Variants in SDK1 observed in about 807,000 individuals in gnomAD.
SDK1 encodes the protein sidekick cell adhesion molecule 1, also known as protein sidekick-1.
In SDK1, 157 loss-of-function variants were observed where a neutral mutation model predicts 245.5. The observed-to-expected ratio is 0.64, with a 90% CI of 0.56 to 0.73. SDK1 has a LOEUF of 0.73. Ranked by LOEUF, SDK1 falls within the 30% of genes least tolerant of loss-of-function variation. The probability of loss-of-function intolerance (pLI) is 0.00; values close to 1 mark genes in which losing one functional copy is unlikely to be tolerated. For synonymous variants in SDK1, 1,647 were observed against 1,278.5 expected (o/e 1.29, Z -6.15); for missense variants, 3,583 against 3,002.3 (o/e 1.19, Z -4.52).
chr7:3,684,991 T>C (rs1273869155), intron 4 of SDK1, among the ~76,000 whole-genome samples: 1 of 152,126 alleles, frequency 6.6e-6, no homozygotes, highest in Non-Finnish European at 1.5e-5. Flanking sequence ...CAAAGGGACC[T>C]GTGGGACAAG....
intron 5 of SDK1, among the ~76,000 whole-genome samples, chr7:3,859,157 C>T (rs553998828): frequency 1.6e-4 from 24 of 152,230 alleles, no homozygotes; most frequent in East Asian, 3.9e-4. Flanking sequence ...CCACCAAGCC[C>T]GGCCCATATT....
intron 5 of SDK1, among the ~76,000 whole-genome samples, chr7:3,868,571 A>G (rs796322538): frequency 2.3e-4 from 35 of 152,346 alleles, no homozygotes; most frequent in African/African-American, 7.2e-4. Flanking sequence ...AATCTGCTCT[A>G]GTATTATGGT....
chr7:3,897,456 G>A (rs914468430), intron 5 of SDK1, among the ~76,000 whole-genome samples: 2 of 152,156 alleles, frequency 1.3e-5, no homozygotes, highest in Admixed American at 1.3e-4. Context: ...GACACACAGT[G>A]TCTGCCCTTT....
chr7:4,034,082 A>C (rs1046171019), intron 17 of SDK1, among the ~76,000 whole-genome samples: 6 of 152,224 alleles, frequency 3.9e-5, no homozygotes, highest in Non-Finnish European at 7.3e-5. Flanking sequence ...AAAAGAACAC[A>C]GCCTCGCCTC....
In SDK1 at chr7:3,729,721, C is replaced by T. The variant is rs116352444; in HGVS notation, c.713+87616C>T. ...TAGGTCAGCTTCACAATGAGTCTAA[C>T]TTCTAGATCAGTGGTTTCCATTGAG... On this transcript the variant is annotated intron_variant, in intron 4 of 44. Transcript: ENST00000404826. 5.4e-3 allele frequency among the ~76,000 whole-genome samples: 822 copies of T among 152,264 alleles called. 6 individuals carry two copies. Among genetic ancestry groups the T allele is most frequent in the African/African-American group, 0.019 (769 of 41,550 alleles).
chr7:3,974,761 T>A (rs941825054), intron 13 of SDK1: 1 of 525,372 alleles, frequency 1.9e-6, no homozygotes, highest in Non-Finnish European at 3.4e-6. Flanking sequence ...TTGGTGTAGA[T>A]GGTGTGATCA....
At chr7:3,308,292 G>A (rs972736954) in intron 1 of SDK1, among the ~76,000 whole-genome samples, 1 of 152,126 alleles carries the variant, frequency 6.6e-6, no homozygotes, top group Non-Finnish European at 1.5e-5. Flanking sequence ...AGAAAATGGC[G>A]ATGGATGAGA....
intron 1 of SDK1, among the ~76,000 whole-genome samples, chr7:3,419,711 ATC>A (rs1357460567): frequency 6.6e-6 from 1 of 152,134 alleles, no homozygotes; most frequent in African/African-American, 2.4e-5. Context: ...TTGGAACATA[ATC>A]TGTTTTTAGG....
intron 1 of SDK1, among the ~76,000 whole-genome samples, chr7:3,564,594 A>G (rs999535997): frequency 2.6e-5 from 4 of 152,192 alleles, no homozygotes; most frequent in African/African-American, 7.2e-5. Context: ...TATACTTAAT[A>G]AATTTGGGGG....
intron 14 of SDK1, among the ~76,000 whole-genome samples, chr7:3,989,638 C>T (rs1282891998): frequency 1.3e-5 from 2 of 152,142 alleles, no homozygotes; most frequent in Non-Finnish European, 2.9e-5. Context: ...GGTACCCTCC[C>T]CTGAAACCCA....
chr7:4,077,247 G>A, intron 21 of SDK1, 58 bp downstream of exon 21: 1 of 1,528,314 alleles, frequency 6.5e-7, no homozygotes, highest in East Asian at 2.3e-5. Flanking sequence ...GATTCCCGAG[G>A]CTAGAAGTTG....
At chr7:3,528,421 T>C (rs1783225385) in intron 1 of SDK1, among the ~76,000 whole-genome samples, 1 of 151,862 alleles carries the variant, frequency 6.6e-6, no homozygotes, top group Non-Finnish European at 1.5e-5. Flanking sequence ...GCAGAAGTGA[T>C]CCAGGATCCT....
intron 5 of SDK1, among the ~76,000 whole-genome samples, chr7:3,909,271 T>G (rs147035018): frequency 6.6e-6 from 1 of 152,030 alleles, no homozygotes; most frequent in Non-Finnish European, 1.5e-5. Flanking sequence ...TCCAGCAGGC[T>G]CTCTCGGGTG....
chr7:3,566,686 G>A (rs1307260991), intron 1 of SDK1, among the ~76,000 whole-genome samples: 2 of 141,778 alleles, frequency 1.4e-5, no homozygotes, highest in African/African-American at 5.3e-5. Flanking sequence ...AGATTAACAG[G>A]AAATCTTTGT....
At chr7:4,181,765 A>G (rs1341938757) in intron 35 of SDK1, among the ~76,000 whole-genome samples, 2 of 152,088 alleles carry the variant, frequency 1.3e-5, no homozygotes, top group African/African-American at 4.8e-5. Context: ...ATGCACACAC[A>G]CAAACTCCAC....
chr7:4,194,700 G>C (rs1433648026), intron 35 of SDK1, among the ~76,000 whole-genome samples: 2 of 152,124 alleles, frequency 1.3e-5, no homozygotes, highest in Non-Finnish European at 2.9e-5. Flanking sequence ...TTTTCTGCCT[G>C]CTTTATATTA....
intron 1 of SDK1, among the ~76,000 whole-genome samples, chr7:3,305,676 C>T (rs10260145): frequency 0.38 from 57,495 of 152,052 alleles, 12,229 homozygotes; most frequent in South Asian, 0.5. Context: ...AAGAGTCTTG[C>T]TTAGTGAGTG....
chr7:4,261,558 C>A (rs13247068), intron 44 of SDK1, among the ~76,000 whole-genome samples: 32,655 of 152,146 alleles, frequency 0.21, 3,921 homozygotes, highest in Non-Finnish European at 0.27. Flanking sequence ...GGCGCAGCTC[C>A]TAGCCTGGCC....
At chr7:4,202,678 T>C (rs894652840) in intron 35 of SDK1, among the ~76,000 whole-genome samples, 3 of 152,048 alleles carry the variant, frequency 2.0e-5, no homozygotes, top group African/African-American at 7.2e-5. Context: ...CCCTGCAGAG[T>C]TAATTCCTAC....
Sources: gnomAD v4.1 joint callset for allele counts (sites outside exome capture counted in the v4.1 genomes callset) on GRCh38, gnomAD v4.1.1 for gene constraint, MANE v1.5 for transcripts, NCBI Gene and HGNC (gene_info 2026-07-23, HGNC 2026-07-21) for gene names.